CADM2: variants seen among roughly 807,000 people sequenced by gnomAD.
The protein encoded by CADM2 is immunoglobulin superfamily member 4D.
In CADM2, 12 loss-of-function variants were observed where a neutral mutation model predicts 49.8. The observed-to-expected ratio is 0.24, with a 90% CI of 0.15 to 0.39. The LOEUF is 0.39. CADM2 is among the 10% of genes least tolerant of loss of function. The pLI, the probability that CADM2 is intolerant of heterozygous loss-of-function variation, is 1.00. For synonymous variants in CADM2, 214 were observed against 175.4 expected (o/e 1.22, Z -1.74); for missense variants, 378 against 492.3 (o/e 0.77, Z 2.20).
chr3:85,504,287 C>T (rs2040230092), intron 1 of CADM2, among the ~76,000 whole-genome samples: 1 of 151,908 alleles, frequency 6.6e-6, no homozygotes, highest in Non-Finnish European at 1.5e-5. Context: ...GGCTCGTGGT[C>T]TCGCTGGCTT....
intron 1 of CADM2, among the ~76,000 whole-genome samples, chr3:85,702,475 G>A (rs1342725810): frequency 6.6e-6 from 1 of 151,894 alleles, no homozygotes; most frequent in Admixed American, 6.6e-5. Context: ...TCATTACCTT[G>A]CTATTATTAT....
chr3:85,932,476 ACC>A (rs1163423806), intron 6 of CADM2, among the ~76,000 whole-genome samples: 2 of 152,182 alleles, frequency 1.3e-5, no homozygotes, highest in East Asian at 3.9e-4. Flanking sequence ...GGCTTAAAAG[ACC>A]TAGAGAAATT....
intron 1 of CADM2, among the ~76,000 whole-genome samples, chr3:85,350,662 G>A (rs2031252109): frequency 6.6e-6 from 1 of 152,086 alleles, no homozygotes; most frequent in Non-Finnish European, 1.5e-5. Flanking sequence ...CAGATCTGCA[G>A]CCTCACAGTA....
At chr3:86,039,548 C>T (rs1467481840) in intron 8 of CADM2, among the ~76,000 whole-genome samples, 2 of 152,296 alleles carry the variant, frequency 1.3e-5, no homozygotes, top group African/African-American at 4.8e-5. Flanking sequence ...GGGTGCCCAC[C>T]ATTGCCTAGG....
intron 1 of CADM2, among the ~76,000 whole-genome samples, chr3:85,699,730 A>T (rs1170819898): frequency 2.0e-5 from 3 of 152,202 alleles, no homozygotes; most frequent in African/African-American, 7.2e-5. Context: ...CAGGCCTGTG[A>T]TGGAAGGGAC....
At chr3:85,578,343 A>C (rs555516111) in intron 1 of CADM2, among the ~76,000 whole-genome samples, 1 of 152,240 alleles carries the variant, frequency 6.6e-6, no homozygotes, top group East Asian at 1.9e-4. Context: ...TGAAGAAAGC[A>C]ACAAATACAT....
intron 1 of CADM2, among the ~76,000 whole-genome samples, chr3:85,073,600 T>C (rs1263023734): frequency 2.0e-5 from 3 of 152,130 alleles, no homozygotes; most frequent in Non-Finnish European, 4.4e-5. Context: ...AATAGAAATA[T>C]AATGAAAGAC....
chr3:85,956,418 AACATTTTAAAT>A (rs1300285978), intron 7 of CADM2, among the ~76,000 whole-genome samples: 1 of 151,682 alleles, frequency 6.6e-6, no homozygotes, highest in African/African-American at 2.4e-5. Context: ...AAGAAGCTTG[AACATTTTAAAT>A]ACTAATTGGG....
chr3:85,857,025 GT>G (rs1311602604), intron 3 of CADM2, among the ~76,000 whole-genome samples: 1 of 152,126 alleles, frequency 6.6e-6, no homozygotes, highest in African/African-American at 2.4e-5. Flanking sequence ...GAAGTTTGGA[GT>G]TTAAAATCAG....
chr3:85,717,693 A>G (rs1302637844), intron 1 of CADM2, among the ~76,000 whole-genome samples: 1 of 152,136 alleles, frequency 6.6e-6, no homozygotes, highest in Non-Finnish European at 1.5e-5. Flanking sequence ...TGTTTATAGC[A>G]TGAAGCGTTG....
intron 1 of CADM2, among the ~76,000 whole-genome samples, chr3:85,412,213 A>G (rs775293668): frequency 2.6e-5 from 4 of 152,142 alleles, no homozygotes; most frequent in Non-Finnish European, 5.9e-5. Context: ...ATCATGGGTA[A>G]TTTTCTTGAT....
chr3:84,960,066 C>G (rs2030317631), intron 1 of CADM2: 2 of 283,956 alleles, frequency 7.0e-6, no homozygotes, highest in Non-Finnish European at 1.3e-5. Context: ...CTCTCCATCT[C>G]TTGTCATCTC....
intron 2 of CADM2, among the ~76,000 whole-genome samples, chr3:85,787,333 G>A (rs1365823458): frequency 6.6e-6 from 1 of 152,052 alleles, no homozygotes; most frequent in African/African-American, 2.4e-5. Context: ...TGTTACCTCT[G>A]TAAATCAATT....
At chr3:86,045,213 A>C (rs184806980) in intron 8 of CADM2, among the ~76,000 whole-genome samples, 1 of 152,066 alleles carries the variant, frequency 6.6e-6, no homozygotes, top group Non-Finnish European at 1.5e-5. Context: ...ATAATAATAA[A>C]AAAAAAAGAT....
At chr3:86,035,505 A>G (rs1735051086) in intron 8 of CADM2, among the ~76,000 whole-genome samples, 1 of 152,066 alleles carries the variant, frequency 6.6e-6, no homozygotes, top group South Asian at 2.1e-4. Context: ...ACTACCTCAC[A>G]CAAATGTTTT....
chr3:85,608,887 G>T (rs958333749), intron 1 of CADM2, among the ~76,000 whole-genome samples: 2 of 151,980 alleles, frequency 1.3e-5, no homozygotes, highest in African/African-American at 4.8e-5. Context: ...AGCTTTCTTG[G>T]TTTTCTTCAA....
intron 1 of CADM2, among the ~76,000 whole-genome samples, chr3:85,062,025 CTCTGTCTCTCTG>C (rs2036342302): frequency 1.3e-5 from 2 of 151,504 alleles, no homozygotes; most frequent in African/African-American, 4.8e-5. Context: ...GTCTCTCTGT[CTCTGTCTCTCTG>C]TCTCTCTCTC....
intron 8 of CADM2, among the ~76,000 whole-genome samples, chr3:86,054,453 TA>T (rs1737686318): frequency 6.6e-6 from 1 of 152,214 alleles, no homozygotes; most frequent in East Asian, 1.9e-4. Flanking sequence ...TATTGGCTCA[TA>T]AAAACTTAAT....
intron 1 of CADM2, among the ~76,000 whole-genome samples, chr3:85,489,286 G>A (rs929545362): frequency 2.6e-5 from 4 of 152,064 alleles, no homozygotes; most frequent in South Asian, 2.1e-4. Context: ...ACTTTGTTCC[G>A]ATGTGATTAG....
Sources: gnomAD v4.1 joint callset for allele counts (sites outside exome capture counted in the v4.1 genomes callset) on GRCh38, gnomAD v4.1.1 for gene constraint, MANE v1.5 for transcripts, NCBI Gene and HGNC (gene_info 2026-07-23, HGNC 2026-07-21) for gene names.